The following EXO1 variants were observed in gnomAD, a reference collection of about 807,000 sequenced individuals.
The protein encoded by EXO1 is exonuclease 1.
EXO1 carries 69 observed loss-of-function variants against 84.5 expected under a neutral mutation model. The observed-to-expected ratio is 0.82, with a 90% CI of 0.67 to 1.00. EXO1 has a LOEUF of 1.00. Ranked by LOEUF, EXO1 falls within the 50% of genes least tolerant of loss-of-function variation. The probability of loss-of-function intolerance (pLI) is 0.00; values close to 1 mark genes in which losing one functional copy is unlikely to be tolerated. For missense variants in EXO1, 1,045 were observed against 1,000.7 expected, an observed-to-expected ratio of 1.04 and a Z score of -0.60; for synonymous variants, 373 against 366.1, an observed-to-expected ratio of 1.02 and a Z score of -0.21.
At chr1:241,886,734 T>C (rs1558149858) in intron 15 of EXO1, among the ~76,000 whole-genome samples, 1 of 152,208 alleles carries the variant, frequency 6.6e-6, no homozygotes, top group Admixed American at 6.5e-5. Context: ...TTAAAATATC[T>C]ATTTTAAAAT....
intron 3 of EXO1, among the ~76,000 whole-genome samples, chr1:241,849,940 A>G (rs572378538): frequency 5.3e-5 from 8 of 152,334 alleles, no homozygotes; most frequent in African/African-American, 1.9e-4. Flanking sequence ...ATTGTTTGAT[A>G]GGGAGGAGCC....
chr1:241,856,364 G>T lies in EXO1; in HGVS notation c.406-981G>T, dbSNP rs944972528. ...TTCCAGTTCCAGCTGCCTAGATTTT[G>T]ACACAGCGGCTATGATAGGGGCTGT... is the stretch of plus-strand genomic sequence containing the variant. On this transcript the variant is annotated intron_variant, in intron 6 of 15. Transcript: ENST00000366548. Among the ~76,000 whole-genome samples, 4 of 150,968 alleles carry T rather than the reference G, an allele frequency of 2.6e-5. No individual in the cohort carries two copies. The East Asian group carries it at 7.8e-4, about 29-fold the overall frequency.
chr1:241,869,740 C>T (rs2298933), intron 11 of EXO1, among the ~76,000 whole-genome samples: 11,348 of 121,488 alleles, frequency 0.093, 731 homozygotes, highest in Admixed American at 0.23. Flanking sequence ...CCTTCCTTCC[C>T]TCCCTCCCTC....
rs1558143468 is a variant in EXO1, at chr1:241,879,064, T to C, written c.1830T>C (p.Ser610=). 4 of 1,614,204 alleles carry C rather than the reference T, an allele frequency of 2.5e-6. No homozygotes were observed. Among genetic ancestry groups the C allele is most frequent in the East Asian group, 2.2e-5 (1 of 44,890 alleles). ...PTLGTLRSCF[S]WSGGLGDFSR... ...TGGGAACACTAAGAAGTTGTTTTAGTTGGTCTGGAGGTCTTGGAGATTTTT... is the reference window on the plus strand; with the variant it reads ...TGGGAACACTAAGAAGTTGTTTTAGCTGGTCTGGAGGTCTTGGAGATTTTT... The change falls in exon 13 of 16, where the codon AGT becomes AGC. Residue 610 remains serine, a synonymous_variant. Transcript: ENST00000366548.
At position 241,887,703 on chromosome 1, in the gene EXO1, A is replaced by G. The variant is rs4150009; in HGVS notation, c.2406-1762A>G. On this transcript the variant is annotated intron_variant, in intron 15 of 15. Coordinates refer to ENST00000366548, the MANE Select transcript of EXO1 (RefSeq NM_130398.4). ...ACCCAGGCTGGAGTGCAGTGGCACA[A>G]TCTCAGCTCACTGCAGCCTCCGCCT... 7.0e-3 allele frequency among the ~76,000 whole-genome samples: 1,060 copies of G among 152,268 alleles called. 11 individuals carry two copies. Among genetic ancestry groups the G allele is most frequent in the African/African-American group, 0.022 (925 of 41,528 alleles).
intron 13 of EXO1, among the ~76,000 whole-genome samples, chr1:241,880,254 C>G (rs963543177): frequency 6.6e-6 from 1 of 152,172 alleles, no homozygotes; most frequent in Non-Finnish European, 1.5e-5. Flanking sequence ...TGCATCTTCT[C>G]TTACTGCCAC....
At chr1:241,863,038 C>T (rs1661490660) in intron 10 of EXO1, among the ~76,000 whole-genome samples, 1 of 152,156 alleles carries the variant, frequency 6.6e-6, no homozygotes, top group Admixed American at 6.5e-5. Flanking sequence ...GCGGTAAGTG[C>T]TACGCTAAAG....
Position 241,889,621 on chromosome 1 carries a change from T to C in EXO1, c.*21T>C. The C allele has an allele frequency of 6.2e-7, 1 of 1,613,256 alleles. No individual in the cohort carries two copies. Among genetic ancestry groups the C allele is most frequent in the Non-Finnish European group, 8.5e-7 (1 of 1,179,332 alleles). On this transcript the variant is annotated 3_prime_UTR_variant, in exon 16 of 16. Transcript: ENST00000366548. ...AGTAAATGCAGACTGCTGCAAAGCT[T>C]TTGCCTGCAAGAGAATCTGATCAAT...
At chr1:241,865,319 C>T (rs1432703658) in intron 10 of EXO1, among the ~76,000 whole-genome samples, 2 of 149,722 alleles carry the variant, frequency 1.3e-5, no homozygotes, top group Admixed American at 6.8e-5. Context: ...TCAAGTGGTT[C>T]TCCTGCCTCA....
In EXO1 at chr1:241,848,975, A is replaced by T. The variant is rs1274905444; in HGVS notation, c.-175A>T. On this transcript the variant is annotated 5_prime_UTR_variant, in exon 2 of 16. Transcript: ENST00000366548. This position sits in a 1 kb window ranked among gnomAD's most constrained non-coding sequence, Gnocchi z 4.2. ...ACTTATGTAAATTTCATGAACTATT[A>T]TATCCGTTTTCCTCGGAGTGAGAGA... 6.6e-6 allele frequency: 1 copy of T among 152,200 alleles called. No individual in the cohort carries two copies. Among genetic ancestry groups the T allele is most frequent in the Admixed American group, 6.5e-5 (1 of 15,274 alleles). The allele number at this position is 152,200 out of a possible 1,614,324, so 9.4% of individuals were successfully genotyped here.
At position 241,879,172 on chromosome 1, in the gene EXO1, T is replaced by C. The variant is rs1382218622; in HGVS notation, c.1938T>C (p.Asn646=). 1.2e-6 allele frequency: 2 copies of C among 1,607,446 alleles called. No individual in the cohort carries two copies. The highest frequency in any genetic ancestry group is 1.7e-5 in the Admixed American group (1 of 59,900). Reference sequence around the variant, plus strand: ...ATTCCCCCACCTCTTTGCCTGAGAATAATATGTCTGATGTGTCGCAGTTAA... The same window carrying C: ...ATTCCCCCACCTCTTTGCCTGAGAACAATATGTCTGATGTGTCGCAGTTAA... The part of the protein sequence containing the change: ...KSDSPTSLPE[N]NMSDVSQLKS... The change falls in exon 13 of 16, where the codon AAT becomes AAC. Residue 646 remains asparagine (N), a synonymous_variant. Coordinates refer to ENST00000366548, the MANE Select transcript of EXO1 (RefSeq NM_130398.4).
rs746216292 is a variant in EXO1, at chr1:241,861,505, A to G, written c.1041+3A>G. On this transcript the variant is annotated splice_donor_region_variant and intron_variant, in intron 10 of 15. Coordinates refer to ENST00000366548, the MANE Select transcript of EXO1 (RefSeq NM_130398.4). ...ACTACAATCCAGACACTGCTATGGT[A>G]ACGTTTTGATGACCACCCTATGAAA... The G allele has an allele frequency of 8.5e-6, 13 of 1,521,382 alleles. No individual in the cohort carries two copies. In the Admixed American group the frequency reaches 1.0e-4, roughly 12 times the overall value. The allele number at this position is 1,521,382 out of a possible 1,614,324, so 94.2% of individuals were successfully genotyped here. A position where few individuals can be genotyped will look rare whatever the true frequency, so the allele number is the denominator to read the frequency against.
At chr1:241,851,165 C>T (rs1660652143) in intron 4 of EXO1, among the ~76,000 whole-genome samples, 1 of 152,096 alleles carries the variant, frequency 6.6e-6, no homozygotes, top group African/African-American at 2.4e-5. Context: ...TTAACAAATG[C>T]TTTGAAAATC....
chr1:241,876,245 A>T (rs772901890), intron 12 of EXO1, among the ~76,000 whole-genome samples: 2 of 152,228 alleles, frequency 1.3e-5, no homozygotes, highest in Admixed American at 6.5e-5. Context: ...GGAGTAAGTC[A>T]GTCTTTGATG....
At position 241,858,628 on chromosome 1, in the gene EXO1, A is replaced by G. The variant is rs1661199603; in HGVS notation, c.666A>G (p.Ser222=). The G allele has an allele frequency of 1.2e-6, 2 of 1,614,000 alleles. No individual in the cohort carries two copies. Among genetic ancestry groups the G allele is most frequent in the Non-Finnish European group, 1.7e-6 (2 of 1,179,888 alleles). The change falls in exon 8 of 16, where the codon TCA becomes TCG. Residue 222 remains serine, a synonymous_variant. Transcript: ENST00000366548. ...EEKFRYMCIL[S]GCDYLSSLRG... is the part of the protein sequence containing the mutation. ...AGTTTCGTTACATGTGTATTCTTTC[A>G]GGTTGTGACTACCTGTCATCACTGC...
At position 241,869,715 on chromosome 1, in the gene EXO1, A is replaced by G. The variant is rs1030894373; in HGVS notation, c.1268-2317A>G. ...ACTTGTTATATAAGAAGTACAGTGT[A>G]CATTCATCTTCCTTCCTTCCTTCCC... On this transcript the variant is annotated intron_variant, in intron 11 of 15. Transcript: ENST00000366548. 8.6e-5 allele frequency among the ~76,000 whole-genome samples: 13 copies of G among 151,398 alleles called. 1 individual carries two copies. Among genetic ancestry groups the G allele is most frequent in the Admixed American group, 7.9e-4 (12 of 15,192 alleles).
intron 11 of EXO1, among the ~76,000 whole-genome samples, chr1:241,870,819 C>T (rs76419151): frequency 0.078 from 11,848 of 152,128 alleles, 722 homozygotes; most frequent in Admixed American, 0.19. Flanking sequence ...GGTTACAGTA[C>T]GTTTGCTTAT....
At chr1:241,883,338 C>T (rs1662875296) in intron 14 of EXO1, among the ~76,000 whole-genome samples, 1 of 152,176 alleles carries the variant, frequency 6.6e-6, no homozygotes, top group African/African-American at 2.4e-5. Flanking sequence ...GTTCTAGAGG[C>T]TGGGAAGTCC....
intron 6 of EXO1, among the ~76,000 whole-genome samples, chr1:241,855,166 T>C (rs1447203160): frequency 1.3e-5 from 2 of 152,166 alleles, no homozygotes; most frequent in Non-Finnish European, 2.9e-5. Context: ...TTTTATTCTC[T>C]TATCTGGCCC....
Sources: allele counts gnomAD v4.1 joint callset (sites outside exome capture counted in the v4.1 genomes callset), GRCh38; gene constraint gnomAD v4.1.1; non-coding constraint Gnocchi (gnomAD v3.1); transcripts MANE v1.5; gene names NCBI Gene and HGNC (gene_info 2026-07-23, HGNC 2026-07-21).